The following KCNN1 variants were observed in gnomAD, a reference collection of about 807,000 sequenced individuals.
KCNN1 encodes the protein potassium calcium-activated channel subfamily N member 1.
Under a neutral mutation model 44.7 loss-of-function variants are expected in KCNN1, and 20 were observed. That is an observed-to-expected ratio of 0.45 (90% CI 0.32 to 0.65). The LOEUF (loss-of-function observed/expected upper bound fraction) is 0.65, where lower values mean the gene tolerates loss of function less well. Ranked by LOEUF, KCNN1 falls within the 30% of genes least tolerant of loss-of-function variation. The probability of loss-of-function intolerance (pLI) is 0.05; values close to 1 mark genes in which losing one functional copy is unlikely to be tolerated. For synonymous variants in KCNN1, 324 were observed against 341.7 expected (o/e 0.95, Z 0.57); for missense variants, 632 against 785.3 (o/e 0.80, Z 2.33).
At chr19:17,992,538 T>C (rs1599378795) in intron 7 of KCNN1, among the ~76,000 whole-genome samples, 1 of 151,806 alleles carries the variant, frequency 6.6e-6, no homozygotes, top group Non-Finnish European at 1.5e-5. Context: ...GAAGTGGAGG[T>C]TGCAGTGAGC....
intron 3 of KCNN1, among the ~76,000 whole-genome samples, chr19:17,979,718 C>A (rs912477163): frequency 8.5e-5 from 13 of 152,134 alleles, no homozygotes; most frequent in Non-Finnish European, 1.8e-4. Flanking sequence ...GTAGGGTGTC[C>A]TTTATGTCAA....
In KCNN1 at chr19:17,974,048, C is replaced by T. The variant is rs1277776278; in HGVS notation, c.160C>T (p.Pro54Ser). The T allele has an allele frequency of 6.2e-7, 1 of 1,610,242 alleles. No homozygotes were observed. The highest frequency in any genetic ancestry group is 1.3e-5 in the African/African-American group (1 of 74,910). ...AGTGGCCAAGAGTGAGCCAGCCCGG[C>T]CCTCACCCGGCAGCCCCCGGGGGCA... ...VVVAKSEPAR[P>S]SPGSPRGQPQ... The change falls in exon 2 of 10, where the codon CCC (proline) becomes TCC (serine). Residue 54 changes from proline to serine, a missense_variant. This residue lies in a region of KCNN1 where 235 missense variants were observed against 224.0 expected (regional missense o/e 1.05). Transcript: ENST00000684775. This position sits in a 1 kb window ranked among gnomAD's most constrained non-coding sequence, Gnocchi z 7.3.
At chr19:17,970,744 C>T (rs572854822) in intron 1 of KCNN1, among the ~76,000 whole-genome samples, 5 of 151,930 alleles carry the variant, frequency 3.3e-5, no homozygotes, top group Non-Finnish European at 7.4e-5. Flanking sequence ...ATAATTCTTG[C>T]ACTCCTGTGT....
Position 17,980,031 on chromosome 19 carries a change from A to G in KCNN1, c.499-1678A>G, listed in dbSNP as rs562887945. On this transcript the variant is annotated intron_variant, in intron 3 of 9. Transcript: ENST00000684775. ...AGCCTGGGCAACAGAGCGAGTCCCC[A>G]TCTCTGCATTAATTTTCTTTTTCTT... Among the ~76,000 whole-genome samples, 4 of 150,128 alleles carry G rather than the reference A, an allele frequency of 2.7e-5. 1 individual carries two copies. The highest frequency in any genetic ancestry group is 7.3e-5 in the African/African-American group (3 of 40,958).
Position 17,993,683 on chromosome 19 carries a change from C to T in KCNN1, c.1377+124C>T, listed in dbSNP as rs1312018750. ...GCTGTGGGCTGAGTGCAGTGGCGGG[C>T]GGATCGCTTGAGCTCAGGAGTTTGA... On this transcript the variant is annotated intron_variant, in intron 9 of 9. Coordinates refer to ENST00000684775, the MANE Select transcript of KCNN1 (RefSeq NM_001386974.1). The surrounding 1 kb of genome is among the most constrained non-coding windows in gnomAD (Gnocchi z 4.5). 24 of 754,362 alleles carry T rather than the reference C, an allele frequency of 3.2e-5. No individual in the cohort carries two copies. The highest frequency in any genetic ancestry group is 1.6e-4 in the East Asian group (6 of 37,786). The allele number at this position is 754,362 out of a possible 1,614,324, so 46.7% of individuals were successfully genotyped here.
In KCNN1 at chr19:17,981,876, C is replaced by T. The variant is rs1244024478; in HGVS notation, c.666C>T (p.Ala222=). Residue 222 remains alanine, a synonymous_variant, in exon 4 of 10, where the codon GCC becomes GCT. Coordinates refer to ENST00000684775, the MANE Select transcript of KCNN1 (RefSeq NM_001386974.1). ...CCTTCACGTACGCGCCCTCGGTGGC[C>T]GAGGCCGACGTGGACGTGCTGCTGT... ...RLAFTYAPSV[A]EADVDVLLSI... is the part of the protein sequence containing the mutation. 2.5e-6 allele frequency: 4 copies of T among 1,612,250 alleles called. No individual in the cohort carries two copies. The highest frequency in any genetic ancestry group is 2.2e-5 in the South Asian group (2 of 90,966).
chr19:17,973,916 G>T lies in KCNN1; in HGVS notation c.28G>T (p.Val10Leu). ...GAACAGCCACAGCTACAATGGCAGC[G>T]TGGGGCGGCCGCTGGGCAGCGGGCC... MNSHSYNGS[V>L]GRPLGSGPGA... The change falls in exon 2 of 10, where the codon GTG becomes TTG. Residue 10 changes from valine (V) to leucine (L), a missense_variant. Transcript: ENST00000684775. The T allele has an allele frequency of 6.4e-7, 1 of 1,554,734 alleles. No homozygotes were observed.
At chr19:17,991,110 T>C (rs1215552164) in intron 7 of KCNN1, among the ~76,000 whole-genome samples, 1 of 151,000 alleles carries the variant, frequency 6.6e-6, no homozygotes, top group African/African-American at 2.5e-5. Context: ...AGGCCAAGAT[T>C]TGGAAACCAG....
In KCNN1 at chr19:17,993,125, A is replaced by G. The variant is rs1481534524; in HGVS notation, c.1307+63A>G. On this transcript the variant is annotated intron_variant, in intron 8 of 9. Coordinates refer to ENST00000684775, the MANE Select transcript of KCNN1 (RefSeq NM_001386974.1). The surrounding 1 kb of genome is among the most constrained non-coding windows in gnomAD (Gnocchi z 4.5). Reference sequence around the variant, plus strand: ...TCGGGGGTGCATGGTGGTCACAGACAGGGGGTACACCCGGGGCATGCCAAC... The same window carrying G: ...TCGGGGGTGCATGGTGGTCACAGACGGGGGGTACACCCGGGGCATGCCAAC... The G allele has an allele frequency of 2.5e-6, 4 of 1,601,024 alleles. No individual in the cohort carries two copies. The highest frequency in any genetic ancestry group is 1.1e-5 in the South Asian group (1 of 90,460).
chr19:17,952,853 C>T (rs1051540307), intron 1 of KCNN1, among the ~76,000 whole-genome samples: 2 of 152,156 alleles, frequency 1.3e-5, no homozygotes, highest in African/African-American at 4.8e-5. Context: ...CCCCCCTCCC[C>T]TCTCCCGGAC....
intron 2 of KCNN1, among the ~76,000 whole-genome samples, chr19:17,954,873 A>G (rs1000581477): frequency 2.0e-5 from 3 of 151,882 alleles, no homozygotes; most frequent in Non-Finnish European, 4.4e-5. Flanking sequence ...CCCCGTGTCT[A>G]CTAAAAATAC....
At chr19:17,988,571 C>T (rs373077067) in intron 6 of KCNN1, 46 bp downstream of exon 6, 26 of 1,413,684 alleles carry the variant, frequency 1.8e-5, no homozygotes, top group Admixed American at 7.2e-5. Context: ...GCCTTGTCAG[C>T]GAGCGTAGAA....
intron 9 of KCNN1, among the ~76,000 whole-genome samples, chr19:17,995,251 C>T (rs2032943401): frequency 1.3e-5 from 2 of 151,650 alleles, no homozygotes; most frequent in African/African-American, 4.9e-5. Context: ...TGGCTCACCG[C>T]AGCCTCAACC....
At position 17,993,909 on chromosome 19, in the gene KCNN1, C is replaced by CA. The variant is rs2032892435; in HGVS notation, c.1377+357dup. Among the ~76,000 whole-genome samples, 1 of 150,880 alleles carries CA rather than the reference C, an allele frequency of 6.6e-6. No homozygotes were observed. Among genetic ancestry groups the CA allele is most frequent in the Non-Finnish European group, 1.5e-5 (1 of 67,788 alleles). On this transcript the variant is annotated intron_variant, in intron 9 of 9. Coordinates refer to ENST00000684775, the MANE Select transcript of KCNN1 (RefSeq NM_001386974.1). The surrounding 1 kb of genome is among the most constrained non-coding windows in gnomAD (Gnocchi z 4.5). ...TGGGTGACAGAGTGACACCCTGTCT[C>CA]AAAAAAATGATAATAATTTTAAAAA... is the stretch of plus-strand genomic sequence containing the variant.
upstream of KCNN1, among the ~76,000 whole-genome samples, chr19:17,964,104 T>TGTGAATGAATGAATGAATTA (rs552204885): frequency 7.2e-5 from 11 of 152,254 alleles, no homozygotes; most frequent in Admixed American, 6.5e-4. The surrounding 1 kb of genome is among the most constrained non-coding windows in gnomAD (Gnocchi z 4.3). Flanking sequence ...TATGTGGATA[T>TGTGAATGAATGAATGAATTA]GTGAATGAAT....
chr19:17,991,888 C>G (rs1225599921), intron 7 of KCNN1, among the ~76,000 whole-genome samples: 2 of 152,034 alleles, frequency 1.3e-5, no homozygotes, highest in Admixed American at 6.6e-5. Flanking sequence ...GGCCATGTTC[C>G]AAAGAAACCT....
intron 9 of KCNN1, among the ~76,000 whole-genome samples, chr19:17,996,344 C>T (rs1308908599): frequency 6.6e-6 from 1 of 151,224 alleles, no homozygotes; most frequent in Admixed American, 6.6e-5. Flanking sequence ...AGTGGCTCAT[C>T]CCTGTAATCC....
In KCNN1 at chr19:17,967,143, GCGGGGGATGCGCCTGCCGCCGCCGC is replaced by G; in HGVS notation, c.-254_-230del. The G allele has an allele frequency of 1.0e-6, 1 of 971,196 alleles. No homozygotes were observed. The highest frequency in any genetic ancestry group is 1.2e-6 in the Non-Finnish European group (1 of 819,494). The allele number at this position is 971,196 out of a possible 1,614,324, so 60.2% of individuals were successfully genotyped here. ...CCCCGCCGGGCCCGTGGACTGGGCG[GCGGGGGATGCGCCTGCCGCCGCCGC>G]CCCCGGCCCCGCCGCCCCCGGGCCC... On this transcript the variant is annotated 5_prime_UTR_variant, in exon 1 of 10. The change abolishes an upstream ATG in the 5' untranslated region. Transcript: ENST00000684775.
intron 9 of KCNN1, among the ~76,000 whole-genome samples, chr19:17,996,171 A>C (rs2032984056): frequency 6.9e-6 from 1 of 144,722 alleles, no homozygotes; most frequent in South Asian, 2.1e-4. Context: ...TGCTACAAAA[A>C]AAAAAAAAAA....
Sources: allele counts gnomAD v4.1 joint callset (sites outside exome capture counted in the v4.1 genomes callset), GRCh38; gene constraint gnomAD v4.1.1; regional missense constraint gnomAD v4.1.1; non-coding constraint Gnocchi (gnomAD v3.1); transcripts MANE v1.5; gene names NCBI Gene and HGNC (gene_info 2026-07-23, HGNC 2026-07-21).